TRIM50: variants seen among roughly 807,000 people sequenced by gnomAD.
TRIM50 encodes E3 ubiquitin-protein ligase TRIM50.
In TRIM50, 34 loss-of-function variants were observed where a neutral mutation model predicts 44.9. The ratio of observed to expected loss-of-function variants is 0.76; its 90% CI spans 0.58 to 1.01. TRIM50 has a LOEUF of 1.01. Among genes scored for constraint, TRIM50 ranks in the 50% least tolerant of loss-of-function variants. The pLI is 0.00. For synonymous variants in TRIM50, 307 were observed against 291.1 expected, an observed-to-expected ratio of 1.05 and a Z score of -0.56; for missense variants, 633 against 663.7, an observed-to-expected ratio of 0.95 and a Z score of 0.51.
In TRIM50 at chr7:73,324,443, G is replaced by C. The variant is rs782666867; in HGVS notation, c.345C>G (p.Gly115=). The part of the protein sequence containing the change: ...ELICGLCGLL[G]SHQHHPVTPV... ...GCGTGACCGGGTGGTGTTGGTGGGA[G>C]CCCAGCAGACCGCAGAGGCCACAGA... is the stretch of plus-strand genomic sequence containing the variant. Residue 115 remains glycine (G), a synonymous_variant, in exon 2 of 7, where the codon GGC becomes GGG. Coordinates refer to ENST00000333149, the MANE Select transcript of TRIM50 (RefSeq NM_178125.3). The C allele has an allele frequency of 1.8e-5, 29 of 1,613,522 alleles. No homozygotes were observed. In the South Asian group the frequency reaches 3.2e-4, roughly 18 times the overall value.
chr7:73,318,660 T>C (rs562579048), intron 5 of TRIM50, 27 bp downstream of exon 5: 5 of 1,612,876 alleles, frequency 3.1e-6, no homozygotes, highest in Non-Finnish European at 4.2e-6. Context: ...CACCAGACCC[T>C]GGCTGAGCTC....
At chr7:73,321,023 T>G (rs1554544959) in intron 2 of TRIM50, among the ~76,000 whole-genome samples, 1 of 109,164 alleles carries the variant, frequency 9.2e-6, no homozygotes, top group Non-Finnish European at 1.8e-5. Context: ...AAACTCCGTC[T>G]CAAAAAAAAA....
At position 73,313,137 on chromosome 7, in the gene TRIM50, G is replaced by C. The variant is rs782582700; in HGVS notation, c.1248C>G (p.Leu416=). The C allele has an allele frequency of 3.1e-6, 5 of 1,591,782 alleles. No homozygotes were observed. Among genetic ancestry groups the C allele is most frequent in the Non-Finnish European group, 4.3e-6 (5 of 1,169,688 alleles). The change falls in exon 7 of 7, where the codon CTC becomes CTG. Residue 416 remains leucine, a synonymous_variant. Transcript: ENST00000333149. The surrounding 1 kb of genome is among the most constrained non-coding windows in gnomAD (Gnocchi z 4.9). ...GTTCGCCCTGCTCATAGTGCAGGTA[G>C]AGCCCGATGCGGTGGGGGTGGCCGG... is the stretch of plus-strand genomic sequence containing the variant. ...PVAGHPHRIG[L]YLHYEQGELT...
intron 2 of TRIM50, 65 bp downstream of exon 2, chr7:73,324,324 A>G: frequency 6.2e-7 from 1 of 1,610,926 alleles, no homozygotes; most frequent in Non-Finnish European, 8.5e-7. Context: ...AGGTGATGGC[A>G]CCAGAGAGCA....
chr7:73,317,467 C>T (rs1245414159), intron 5 of TRIM50, among the ~76,000 whole-genome samples: 3 of 150,208 alleles, frequency 2.0e-5, no homozygotes, highest in Admixed American at 6.7e-5. Flanking sequence ...AAGTGATTCT[C>T]ATGCCTCAGC....
chr7:73,314,160 C>T (rs1332528883), intron 6 of TRIM50: 3 of 368,552 alleles, frequency 8.1e-6, no homozygotes, highest in Admixed American at 3.8e-5. Context: ...CCCCTGCTGG[C>T]GTGAAGAAGC....
intron 5 of TRIM50, among the ~76,000 whole-genome samples, chr7:73,317,339 C>A (rs558922237): frequency 6.6e-6 from 1 of 150,558 alleles, no homozygotes; most frequent in Non-Finnish European, 1.5e-5. Flanking sequence ...CAGCTATGAG[C>A]CACCATGCCA....
chr7:73,318,582 G>A, intron 5 of TRIM50, 105 bp downstream of exon 5: 1 of 1,607,988 alleles, frequency 6.2e-7, no homozygotes, highest in Non-Finnish European at 8.5e-7. Flanking sequence ...GCTGTGGGCA[G>A]CTGCTTGGGA....
Position 73,318,948 on chromosome 7 carries a change from G to A in TRIM50, c.600C>T (p.His200=). 5 of 1,614,006 alleles carry A rather than the reference G, an allele frequency of 3.1e-6. No homozygotes were observed. Among genetic ancestry groups the A allele is most frequent in the Non-Finnish European group, 4.2e-6 (5 of 1,179,856 alleles). The change falls in exon 4 of 7, where the codon CAC becomes CAT. Residue 200 remains histidine (H), a synonymous_variant. Transcript: ENST00000333149. ...CCAGGGAGGCCACCAGGCCACGGGT[G>A]TGACCCCCTATCCCCTCCAGGCAGC... is the stretch of plus-strand genomic sequence containing the variant. ...KARCLEGIGG[H]TRGLVASLDM... is the part of the protein sequence containing the mutation.
chr7:73,315,504 C>T (rs1360856001), intron 6 of TRIM50, among the ~76,000 whole-genome samples: 1 of 152,060 alleles, frequency 6.6e-6, no homozygotes, highest in Admixed American at 6.6e-5. Flanking sequence ...GGCCCACAGG[C>T]ACATAACACC....
chr7:73,321,926 T>G (rs1481657167), intron 2 of TRIM50: 3 of 152,132 alleles, frequency 2.0e-5, no homozygotes, highest in African/African-American at 7.2e-5. Flanking sequence ...TGCAAATCAA[T>G]GCACCCATCA....
Position 73,312,734 on chromosome 7 carries a change from T to A in TRIM50, c.*187A>T, listed in dbSNP as rs1804248718. On this transcript the variant is annotated 3_prime_UTR_variant, in exon 7 of 7. Transcript: ENST00000333149. Reference sequence around the variant, plus strand: ...AGGCCTGGGGGCCGAAGTTTACAAATACACCCTTGGCTGAGGGGAAAGGGA... The same window carrying A: ...AGGCCTGGGGGCCGAAGTTTACAAAAACACCCTTGGCTGAGGGGAAAGGGA... 7.0e-6 allele frequency: 4 copies of A among 574,816 alleles called. No individual in the cohort carries two copies. The highest frequency in any genetic ancestry group is 1.2e-5 in the Non-Finnish European group (4 of 332,760). 35.6% of individuals were successfully genotyped at this position (574,816 alleles called of 1,614,324 possible).
intron 5 of TRIM50, among the ~76,000 whole-genome samples, chr7:73,318,312 T>C (rs2115737924): frequency 6.6e-6 from 1 of 152,236 alleles, no homozygotes; most frequent in East Asian, 1.9e-4. Context: ...TATTTTTGTA[T>C]TTTTTGTAGA....
At chr7:73,325,203 G>T (rs1804596610) in intron 1 of TRIM50, among the ~76,000 whole-genome samples, 1 of 152,122 alleles carries the variant, frequency 6.6e-6, no homozygotes, top group African/African-American at 2.4e-5. Flanking sequence ...CCACCTTCTA[G>T]ATCAGTTCCC....
In TRIM50 at chr7:73,313,089, G is replaced by A; in HGVS notation, c.1296C>T (p.Arg432=). The A allele has an allele frequency of 1.3e-6, 2 of 1,592,250 alleles. No individual in the cohort carries two copies. The highest frequency in any genetic ancestry group is 1.7e-6 in the Non-Finnish European group (2 of 1,170,068). Residue 432 remains arginine, a synonymous_variant, in exon 7 of 7, where the codon CGC becomes CGT. Transcript: ENST00000333149. This position sits in a 1 kb window ranked among gnomAD's most constrained non-coding sequence, Gnocchi z 4.9. ...QGELTFFDAD[R]PDDLRPLYTF... ...TGTAGAGCGGCCGCAGGTCATCGGG[G>A]CGGTCGGCATCGAAGAAGGTGAGTT... is the stretch of plus-strand genomic sequence containing the variant.
chr7:73,319,735 T>G (rs1187961432), intron 3 of TRIM50, among the ~76,000 whole-genome samples: 5 of 152,206 alleles, frequency 3.3e-5, no homozygotes, highest in Non-Finnish European at 7.3e-5. Context: ...CCCATGTGCC[T>G]CTCACTTCGG....
In TRIM50 at chr7:73,324,526, C is replaced by A; in HGVS notation, c.262G>T (p.Val88Phe). 6.2e-7 allele frequency: 1 copy of A among 1,613,960 alleles called. No individual in the cohort carries two copies. Among genetic ancestry groups the A allele is most frequent in the Non-Finnish European group, 8.5e-7 (1 of 1,180,000 alleles). ...AGCGGGTTCCGGTGGTGCACGCAGA[C>A]CTTGGGCTCCGGGTCCCCAGGGAGC... ...LRLPGDPEPK[V>F]CVHHRNPLSL... Residue 88 changes from valine (V) to phenylalanine (F), a missense_variant, in exon 2 of 7, where the codon GTC becomes TTC. Transcript: ENST00000333149.
chr7:73,321,517 T>C (rs1804494941), intron 2 of TRIM50, among the ~76,000 whole-genome samples: 2 of 152,142 alleles, frequency 1.3e-5, no homozygotes, highest in South Asian at 4.1e-4. Flanking sequence ...CCTGGTGGGC[T>C]TGGACACAGC....
chr7:73,312,944 G>C lies in TRIM50; in HGVS notation c.1441C>G (p.Pro481Ala). ...PPPSGPGPLS[P>A]EQPTKL ...CCCTACAGCTTGGTGGGCTGCTCGGGGCTGAGGGGGCCAGGCCCGCTGGGC... is the reference window on the plus strand; with the variant it reads ...CCCTACAGCTTGGTGGGCTGCTCGGCGCTGAGGGGGCCAGGCCCGCTGGGC... Residue 481 changes from proline (P) to alanine (A), a missense_variant, in exon 7 of 7, where the codon CCC becomes GCC. Physicochemically the swap from Pro to Ala is conservative, Grantham distance 27. Coordinates refer to ENST00000333149, the MANE Select transcript of TRIM50 (RefSeq NM_178125.3). 1 of 1,548,454 alleles carries C rather than the reference G, an allele frequency of 6.5e-7. No homozygotes were observed. The highest frequency in any genetic ancestry group is 8.7e-7 in the Non-Finnish European group (1 of 1,146,136).
Sources: gnomAD v4.1 joint callset for allele counts (sites outside exome capture counted in the v4.1 genomes callset) on GRCh38, gnomAD v4.1.1 for gene constraint, Gnocchi (gnomAD v3.1) non-coding constraint, MANE v1.5 for transcripts, NCBI Gene and HGNC (gene_info 2026-07-23, HGNC 2026-07-21) for gene names.